RERE: variants seen among roughly 807,000 people sequenced by gnomAD.
The protein encoded by RERE is arginine-glutamic acid dipeptide repeats protein.
A neutral mutation model predicts 146.1 loss-of-function variants in RERE; 40 were observed. That is an observed-to-expected ratio of 0.27 (90% confidence interval 0.21 to 0.36). The LOEUF is 0.36. Among genes scored for constraint, RERE ranks in the 10% least tolerant of loss-of-function variants. The probability of loss-of-function intolerance (pLI) is 1.00; values close to 1 mark genes in which losing one functional copy is unlikely to be tolerated. For missense variants in RERE, 1,933 were observed against 2,138.7 expected, an observed-to-expected ratio of 0.90 and a Z score of 1.90; for synonymous variants, 1,003 against 866.0, an observed-to-expected ratio of 1.16 and a Z score of -2.78.
chr1:8,714,424 T>C (rs928622250), intron 1 of RERE, among the ~76,000 whole-genome samples: 7 of 152,212 alleles, frequency 4.6e-5, no homozygotes, highest in African/African-American at 1.7e-4. Context: ...CTTCAAATTT[T>C]TGAGGAAAAT....
intron 1 of RERE, among the ~76,000 whole-genome samples, chr1:8,745,417 A>G (rs978086702): frequency 1.3e-5 from 2 of 152,222 alleles, no homozygotes; most frequent in African/African-American, 4.8e-5. Context: ...AGACTAATAC[A>G]CATGGTTACG....
chr1:8,757,113 C>CAAAAAAAAAAAAAAAAAAAAAAAAAAAA (rs1640658864), intron 1 of RERE, among the ~76,000 whole-genome samples: 1 of 135,346 alleles, frequency 7.4e-6, no homozygotes, highest in African/African-American at 2.8e-5. Context: ...AAAAAAAAAG[C>CAAAAAAAAAAAAAAAAAAAAAAAAAAAA]AAACCAGTTA....
intron 3 of RERE, among the ~76,000 whole-genome samples, chr1:8,615,388 G>A (rs1201474003): frequency 3.3e-5 from 5 of 152,096 alleles, no homozygotes; most frequent in Admixed American, 6.5e-5. Flanking sequence ...TATGTATCAC[G>A]TGTCTTTTTA....
intron 8 of RERE, among the ~76,000 whole-genome samples, chr1:8,506,685 G>T (rs11803214): frequency 6.6e-6 from 1 of 152,098 alleles, no homozygotes; most frequent in Non-Finnish European, 1.5e-5. Flanking sequence ...ATAGACACAT[G>T]ACCCAATCCA....
chr1:8,613,914 C>G (rs561638283), intron 4 of RERE, among the ~76,000 whole-genome samples: 22 of 152,292 alleles, frequency 1.4e-4, no homozygotes, highest in African/African-American at 5.3e-4. Context: ...ATAATAACCC[C>G]TATGATCACC....
rs57814312 is a variant in RERE, at chr1:8,711,157, C to CAAAAAAAAAA, written c.-144-54726_-144-54717dup. Among the ~76,000 whole-genome samples, 21 of 68,264 alleles carry CAAAAAAAAAA rather than the reference C, an allele frequency of 3.1e-4. 1 individual carries two copies. Among genetic ancestry groups the CAAAAAAAAAA allele is most frequent in the African/African-American group, 5.6e-4 (9 of 16,032 alleles). 44.8% of individuals were successfully genotyped at this position (68,264 alleles called of 152,430 possible). Reference sequence around the variant, plus strand: ...GGGTGACAGAGTGTGACTCTGTCTCCAAAAAAAAAAAAAAAAAAAAAAAAA... The same window carrying CAAAAAAAAAA: ...GGGTGACAGAGTGTGACTCTGTCTCCAAAAAAAAAAAAAAAAAAAAAAAAAAAAAAAAAAA... On this transcript the variant is annotated intron_variant, in intron 1 of 22. Transcript: ENST00000400908.
At chr1:8,572,533 G>A (rs968829714) in intron 4 of RERE, among the ~76,000 whole-genome samples, 3 of 152,184 alleles carry the variant, frequency 2.0e-5, no homozygotes, top group Admixed American at 2.0e-4. Context: ...ACATACAACA[G>A]TTTTAGCGAC....
chr1:8,447,047 A>C (rs187453081), intron 11 of RERE, among the ~76,000 whole-genome samples: 7 of 150,536 alleles, frequency 4.7e-5, no homozygotes, highest in Admixed American at 3.3e-4. Flanking sequence ...GCTGATCTTC[A>C]ATCTCTGATA....
Position 8,360,000 on chromosome 1 carries a change from C to T in RERE, c.3396-14G>A, listed in dbSNP as rs1449123237. 41 of 1,611,306 alleles carry T rather than the reference C, an allele frequency of 2.5e-5. No individual in the cohort carries two copies. Among genetic ancestry groups the T allele is most frequent in the Non-Finnish European group, 3.5e-5 (41 of 1,179,008 alleles). On this transcript the variant is annotated splice_polypyrimidine_tract_variant and intron_variant, in intron 18 of 22. Transcript: ENST00000400908. Reference sequence around the variant, plus strand: ...TGTTTGTAGAACCTGAGAAAAGCCACAGATCTTGCTGGGAGCTCCTGCCGA... The same window carrying T: ...TGTTTGTAGAACCTGAGAAAAGCCATAGATCTTGCTGGGAGCTCCTGCCGA...
At chr1:8,816,831 A>G (rs1035308083) in intron 1 of RERE, among the ~76,000 whole-genome samples, 2 of 152,160 alleles carry the variant, frequency 1.3e-5, no homozygotes, top group Non-Finnish European at 2.9e-5. Context: ...TTACAGTTTC[A>G]GTCCTTGACT....
At chr1:8,383,721 T>C (rs1228055388) in intron 12 of RERE, among the ~76,000 whole-genome samples, 5 of 151,986 alleles carry the variant, frequency 3.3e-5, no homozygotes, top group Non-Finnish European at 7.4e-5. Context: ...TAGCCGGGTG[T>C]GGTGGCACGC....
chr1:8,657,990 A>C (rs1281785366), intron 1 of RERE, among the ~76,000 whole-genome samples: 1 of 152,232 alleles, frequency 6.6e-6, no homozygotes, highest in Non-Finnish European at 1.5e-5. Flanking sequence ...CTCCCCAAAA[A>C]GAAACCCAAC....
At chr1:8,605,665 C>T (rs987058790) in intron 4 of RERE, among the ~76,000 whole-genome samples, 1 of 143,954 alleles carries the variant, frequency 6.9e-6, no homozygotes, top group Non-Finnish European at 1.5e-5. Flanking sequence ...AGGAGAATCA[C>T]CTGAATCCGG....
intron 4 of RERE, among the ~76,000 whole-genome samples, chr1:8,572,718 C>T (rs939451462): frequency 2.0e-5 from 3 of 152,190 alleles, no homozygotes; most frequent in Non-Finnish European, 4.4e-5. Flanking sequence ...GTAGAACTTC[C>T]ATTCCAATGG....
chr1:8,417,534 A>G (rs183104581), intron 12 of RERE, among the ~76,000 whole-genome samples: 3 of 152,306 alleles, frequency 2.0e-5, no homozygotes, highest in African/African-American at 7.2e-5. Flanking sequence ...CACATTTCCA[A>G]TAGAGAAAAT....
At chr1:8,579,592 C>G (rs920953509) in intron 4 of RERE, among the ~76,000 whole-genome samples, 4 of 152,232 alleles carry the variant, frequency 2.6e-5, no homozygotes, top group Non-Finnish European at 4.4e-5. Flanking sequence ...ATAGAGACTA[C>G]TGCCTCTGCA....
At chr1:8,598,602 A>G (rs763309908) in intron 4 of RERE, among the ~76,000 whole-genome samples, 2 of 152,246 alleles carry the variant, frequency 1.3e-5, no homozygotes, top group African/African-American at 2.4e-5. Flanking sequence ...ACCACATCCA[A>G]TGCTCTGTTA....
At chr1:8,453,602 T>G (rs1429469186) in intron 11 of RERE, among the ~76,000 whole-genome samples, 7 of 152,160 alleles carry the variant, frequency 4.6e-5, no homozygotes, top group Admixed American at 3.9e-4. Flanking sequence ...GGTTAGGAGT[T>G]CAAGACCAGC....
chr1:8,743,953 G>A (rs951425601), intron 1 of RERE, among the ~76,000 whole-genome samples: 1 of 152,078 alleles, frequency 6.6e-6, no homozygotes, highest in African/African-American at 2.4e-5. Flanking sequence ...ATGAATTAAG[G>A]AATATTTGGG....
Sources: allele counts gnomAD v4.1 joint callset (sites outside exome capture counted in the v4.1 genomes callset), GRCh38; gene constraint gnomAD v4.1.1; transcripts MANE v1.5; gene names NCBI Gene and HGNC (gene_info 2026-07-23, HGNC 2026-07-21).